GRM8: variants seen among roughly 807,000 people sequenced by gnomAD.
GRM8 encodes glutamate metabotropic receptor 8.
GRM8 carries 47 observed loss-of-function variants against 87.2 expected under a neutral mutation model. The observed-to-expected ratio is 0.54, with a 90% CI of 0.43 to 0.69. GRM8 has a LOEUF of 0.69. GRM8 is among the 30% of genes least tolerant of loss of function. The pLI, the probability that GRM8 is intolerant of heterozygous loss-of-function variation, is 0.00. For synonymous variants in GRM8, 396 were observed against 404.5 expected (o/e 0.98, Z 0.25); for missense variants, 1,019 against 1,139.2 (o/e 0.89, Z 1.52).
chr7:126,531,350 G>C (rs1208236900), intron 9 of GRM8, among the ~76,000 whole-genome samples: 8 of 152,270 alleles, frequency 5.3e-5, no homozygotes, highest in African/African-American at 1.9e-4. Flanking sequence ...TTTATAATGT[G>C]TCTTTCAGTG....
intron 8 of GRM8, among the ~76,000 whole-genome samples, chr7:126,603,414 G>A (rs1004309821): frequency 6.6e-6 from 1 of 150,912 alleles, no homozygotes; most frequent in African/African-American, 2.4e-5. Context: ...GGAAATAAAG[G>A]GTATTCAATT....
At chr7:126,566,198 C>CA (rs1366330770) in intron 8 of GRM8, among the ~76,000 whole-genome samples, 2 of 152,064 alleles carry the variant, frequency 1.3e-5, no homozygotes, top group Non-Finnish European at 2.9e-5. Flanking sequence ...CTACATCAAC[C>CA]AAAAATCTTC....
intron 2 of GRM8, among the ~76,000 whole-genome samples, chr7:127,198,837 ATTTTTTT>A (rs35710456): frequency 7.9e-6 from 1 of 125,814 alleles, no homozygotes; most frequent in South Asian, 2.7e-4. Context: ...ACCGTGCCTA[ATTTTTTT>A]TTTTTTTTTT....
At chr7:126,732,661 A>G (rs566737154) in intron 7 of GRM8, among the ~76,000 whole-genome samples, 1 of 152,278 alleles carries the variant, frequency 6.6e-6, no homozygotes, top group African/African-American at 2.4e-5. Context: ...ATTTCTGCTT[A>G]GGTGAAGGTC....
chr7:126,847,744 T>C (rs1262592235), intron 6 of GRM8, among the ~76,000 whole-genome samples: 1 of 152,206 alleles, frequency 6.6e-6, no homozygotes, highest in African/African-American at 2.4e-5. Context: ...GTTAGGCAAC[T>C]TTGCATCTGT....
At chr7:126,758,076 CAGG>C (rs1394252502) in intron 7 of GRM8, among the ~76,000 whole-genome samples, 6 of 152,070 alleles carry the variant, frequency 3.9e-5, no homozygotes, top group African/African-American at 1.4e-4. Flanking sequence ...TTACTGATTA[CAGG>C]AGATTTATCA....
chr7:127,238,122 C>T (rs1320840276), intron 2 of GRM8, among the ~76,000 whole-genome samples: 1 of 152,128 alleles, frequency 6.6e-6, no homozygotes, highest in Non-Finnish European at 1.5e-5. Flanking sequence ...GTACAAAAGC[C>T]CCTGAGGTGT....
At chr7:126,618,716 T>C (rs1349137549) in intron 7 of GRM8, among the ~76,000 whole-genome samples, 1 of 152,066 alleles carries the variant, frequency 6.6e-6, no homozygotes, top group East Asian at 1.9e-4. Flanking sequence ...GCGCAAAGGA[T>C]ATGAACAGAC....
intron 3 of GRM8, among the ~76,000 whole-genome samples, chr7:127,038,112 G>C (rs1325857207): frequency 6.6e-6 from 1 of 151,988 alleles, no homozygotes; most frequent in African/African-American, 2.4e-5. Context: ...TCTGTCAGTT[G>C]AGCCTCAAAA....
intron 7 of GRM8, among the ~76,000 whole-genome samples, chr7:126,733,672 AAT>A (rs1419800338): frequency 6.6e-6 from 1 of 152,002 alleles, no homozygotes; most frequent in Non-Finnish European, 1.5e-5. Flanking sequence ...AACGGACAAA[AAT>A]ACATCATCAT....
intron 2 of GRM8, among the ~76,000 whole-genome samples, chr7:127,187,200 C>G (rs546227091): frequency 6.6e-6 from 1 of 152,102 alleles, no homozygotes; most frequent in African/African-American, 2.4e-5. Flanking sequence ...CTGCCTTCTT[C>G]CTAGTGGTAT....
At chr7:126,477,531 C>A (rs1485671699) in intron 9 of GRM8, among the ~76,000 whole-genome samples, 1 of 135,030 alleles carries the variant, frequency 7.4e-6, no homozygotes, top group South Asian at 2.4e-4. Context: ...AATTATGTCT[C>A]AATAAAGAGA....
chr7:126,664,803 C>T (rs898104692), intron 7 of GRM8, among the ~76,000 whole-genome samples: 1 of 152,070 alleles, frequency 6.6e-6, no homozygotes, highest in Non-Finnish European at 1.5e-5. Flanking sequence ...ACCCTCTGCA[C>T]AGCAAAAGAA....
At chr7:126,810,294 G>A (rs1793165450) in intron 6 of GRM8, among the ~76,000 whole-genome samples, 1 of 152,110 alleles carries the variant, frequency 6.6e-6, no homozygotes. Flanking sequence ...GGCTCTTTAA[G>A]AGCCTCACCT....
intron 8 of GRM8, among the ~76,000 whole-genome samples, chr7:126,593,671 C>G (rs986234233): frequency 6.6e-5 from 10 of 151,864 alleles, no homozygotes; most frequent in African/African-American, 2.4e-4. Context: ...GTGAAAATCT[C>G]CATGACATAG....
intron 7 of GRM8, among the ~76,000 whole-genome samples, chr7:126,708,849 G>A (rs902618254): frequency 6.6e-6 from 1 of 151,968 alleles, no homozygotes; most frequent in Non-Finnish European, 1.5e-5. Context: ...GGGAGATGTT[G>A]GTGAGGGGAT....
chr7:126,950,684 A>T (rs1217455940), intron 3 of GRM8, among the ~76,000 whole-genome samples: 2 of 152,174 alleles, frequency 1.3e-5, no homozygotes, highest in Non-Finnish European at 2.9e-5. Context: ...ACCCCATGCT[A>T]AGCATTTCCC....
intron 2 of GRM8, among the ~76,000 whole-genome samples, chr7:127,115,259 A>G (rs1204029279): frequency 6.6e-6 from 1 of 152,192 alleles, no homozygotes; most frequent in Non-Finnish European, 1.5e-5. Flanking sequence ...TGGCAGGCCA[A>G]GCAGAAGCTA....
intron 2 of GRM8, among the ~76,000 whole-genome samples, chr7:127,170,834 C>G (rs942910924): frequency 6.6e-6 from 1 of 151,990 alleles, no homozygotes; most frequent in African/African-American, 2.4e-5. Context: ...ACTTTGGGGA[C>G]TCAGGGGAAA....
Sources: allele counts gnomAD v4.1 joint callset (sites outside exome capture counted in the v4.1 genomes callset), GRCh38; gene constraint gnomAD v4.1.1; transcripts MANE v1.5; gene names NCBI Gene and HGNC (gene_info 2026-07-23, HGNC 2026-07-21).